SORBS2: variants seen among roughly 807,000 people sequenced by gnomAD.
SORBS2 encodes the protein sorbin and SH3 domain containing 2.
A neutral mutation model predicts 97.7 loss-of-function variants in SORBS2; 46 were observed. The ratio of observed to expected loss-of-function variants is 0.47; its 90% CI spans 0.37 to 0.60. SORBS2 has a LOEUF of 0.60. Ranked by LOEUF, SORBS2 falls within the 20% of genes least tolerant of loss-of-function variation. The probability of loss-of-function intolerance (pLI) is 0.00; values close to 1 mark genes in which losing one functional copy is unlikely to be tolerated. For missense variants in SORBS2, 1,316 were observed against 1,282.3 expected, an observed-to-expected ratio of 1.03 and a Z score of -0.40; for synonymous variants, 476 against 473.4, an observed-to-expected ratio of 1.01 and a Z score of -0.07.
At chr4:185,752,376 C>T (rs964147064) in intron 2 of SORBS2, among the ~76,000 whole-genome samples, 4 of 152,236 alleles carry the variant, frequency 2.6e-5, no homozygotes, top group South Asian at 4.2e-4. Flanking sequence ...CCCGGGTTCG[C>T]GCCATTCTCC....
At chr4:185,864,285 C>T (rs2099225561) in intron 1 of SORBS2, among the ~76,000 whole-genome samples, 1 of 152,114 alleles carries the variant, frequency 6.6e-6, no homozygotes, top group Admixed American at 6.5e-5. Flanking sequence ...TGAATTTTCC[C>T]CACAACTAAA....
chr4:185,950,813 A>T (rs921905325), intron 1 of SORBS2, among the ~76,000 whole-genome samples: 1 of 152,272 alleles, frequency 6.6e-6, no homozygotes, highest in East Asian at 1.9e-4. Context: ...TGCACGGCGG[A>T]TATCTGCTCT....
rs771569278 is a variant in SORBS2 at position 185,630,638 on chromosome 4, G to A, written c.397-40C>T. 117 of 1,342,040 alleles carry A rather than the reference G, an allele frequency of 8.7e-5. 1 individual carries two copies. The highest frequency in any genetic ancestry group is 1.9e-4 in the Middle Eastern group (1 of 5,294). The allele number at this position is 1,342,040 out of a possible 1,614,324, so 83.1% of individuals were successfully genotyped here. ...TAATAGTACCATGAAAAATTTTACC[G>A]TGGCAAAATTTTGTTCACTTGTCAA... On this transcript the variant is annotated intron_variant, in intron 4 of 14. Coordinates refer to ENST00000418609, the Ensembl canonical transcript of SORBS2.
At chr4:185,901,910 C>G (rs563104204) in intron 1 of SORBS2, among the ~76,000 whole-genome samples, 1 of 152,172 alleles carries the variant, frequency 6.6e-6, no homozygotes, top group South Asian at 2.1e-4. Flanking sequence ...GGTTAAAAAG[C>G]AGGCTTTCTG....
chr4:185,930,014 T>A (rs1046773211), intron 1 of SORBS2, among the ~76,000 whole-genome samples: 3 of 152,150 alleles, frequency 2.0e-5, no homozygotes, highest in African/African-American at 7.2e-5. Context: ...GAGGAGTCAA[T>A]GAGGCAATGT....
chr4:185,929,629 G>C (rs148394004), intron 1 of SORBS2, among the ~76,000 whole-genome samples: 1 of 150,678 alleles, frequency 6.6e-6, no homozygotes, highest in Non-Finnish European at 1.5e-5. Context: ...TCCGCCTCCC[G>C]GGTTCAAGAG....
intron 1 of SORBS2, among the ~76,000 whole-genome samples, chr4:185,655,815 G>C (rs575185773): frequency 6.6e-6 from 1 of 152,244 alleles, no homozygotes. Flanking sequence ...TCTTATAAAG[G>C]AAGAAAACAT....
At chr4:185,913,018 T>TAG (rs10661961) in intron 1 of SORBS2, among the ~76,000 whole-genome samples, 137,056 of 152,178 alleles carry the variant, frequency 0.9, 61,979 homozygotes, top group East Asian at 0.99. Flanking sequence ...TCATGGAAAA[T>TAG]AGTTTTCATT....
intron 2 of SORBS2, among the ~76,000 whole-genome samples, chr4:185,652,195 C>T (rs2097327281): frequency 2.6e-5 from 4 of 152,140 alleles, no homozygotes; most frequent in Admixed American, 2.6e-4. Flanking sequence ...TCGTAGCATG[C>T]AAAGTCAGGC....
intron 6 of SORBS2, 60 bp downstream of exon 18, chr4:185,626,772 C>A (rs751492323): frequency 6.5e-7 from 1 of 1,534,626 alleles, no homozygotes; most frequent in Non-Finnish European, 9.0e-7. Flanking sequence ...AGCTTTCACA[C>A]AGTGCTCTAG....
chr4:185,741,935 G>T (rs1257576348), intron 2 of SORBS2, among the ~76,000 whole-genome samples: 1 of 152,098 alleles, frequency 6.6e-6, no homozygotes, highest in Non-Finnish European at 1.5e-5. Flanking sequence ...TGCTCACTTT[G>T]TCTCACCACC....
At chr4:185,636,723 A>G (rs753021662) in intron 4 of SORBS2, among the ~76,000 whole-genome samples, 3 of 147,788 alleles carry the variant, frequency 2.0e-5, no homozygotes, top group Non-Finnish European at 4.4e-5. Flanking sequence ...ATCCCAGCTC[A>G]CTGCAATCTC....
chr4:185,732,434 G>A (rs957982228), intron 2 of SORBS2, among the ~76,000 whole-genome samples: 1 of 152,182 alleles, frequency 6.6e-6, no homozygotes, highest in Non-Finnish European at 1.5e-5. Flanking sequence ...GGTTTTAGAG[G>A]TTCATGATTT....
chr4:185,652,832 T>TGGGAC, intron 1 of SORBS2, 104 bp from the exon 10 acceptor site: 3 of 862,096 alleles, frequency 3.5e-6, no homozygotes, highest in Non-Finnish European at 5.8e-6. Context: ...CAGAGTCCCA[T>TGGGAC]TCTGTGATAA....
chr4:185,864,916 A>AAAAAAAAAAAG (rs2099225944), intron 1 of SORBS2, among the ~76,000 whole-genome samples: 1 of 151,826 alleles, frequency 6.6e-6, no homozygotes, highest in Non-Finnish European at 1.5e-5. Flanking sequence ...TGTCTCAAAA[A>AAAAAAAAAAAG]AAAAAGAAAA....
intron 2 of SORBS2, among the ~76,000 whole-genome samples, chr4:185,707,008 A>C (rs2098353634): frequency 6.6e-6 from 1 of 152,222 alleles, no homozygotes; most frequent in Non-Finnish European, 1.5e-5. Flanking sequence ...CTTGTGAATT[A>C]ACTGCTTGGC....
chr4:185,593,645 T>C (rs1580467027), intron 13 of SORBS2: 3 of 489,502 alleles, frequency 6.1e-6, no homozygotes, highest in South Asian at 2.7e-5. Flanking sequence ...CACTGAAGCA[T>C]TGGGAAGTTT....
intron 2 of SORBS2, among the ~76,000 whole-genome samples, chr4:185,768,613 C>T (rs2098950124): frequency 6.7e-6 from 1 of 149,558 alleles, no homozygotes; most frequent in Non-Finnish European, 1.5e-5. Context: ...GCACGAGAAT[C>T]ACTTGAACCT....
chr4:185,922,391 G>A (rs1201469378), intron 1 of SORBS2, among the ~76,000 whole-genome samples: 1 of 152,124 alleles, frequency 6.6e-6, no homozygotes, highest in Non-Finnish European at 1.5e-5. Flanking sequence ...CTTTGGCACT[G>A]AGCAAGTCTC....
Sources: gnomAD v4.1 joint callset for allele counts (sites outside exome capture counted in the v4.1 genomes callset) on GRCh38, gnomAD v4.1.1 for gene constraint, MANE v1.5 for transcripts, NCBI Gene and HGNC (gene_info 2026-07-23, HGNC 2026-07-21) for gene names.